NCBP1: variants seen among roughly 807,000 people sequenced by gnomAD.
NCBP1 encodes nuclear cap-binding protein subunit 1.
NCBP1 carries 16 observed loss-of-function variants against 111.7 expected under a neutral mutation model. That is an observed-to-expected ratio of 0.14 (90% CI 0.10 to 0.22). NCBP1 has a LOEUF of 0.22. Ranked by LOEUF, NCBP1 falls within the 10% of genes least tolerant of loss-of-function variation. NCBP1 has a pLI of 1.00. For synonymous variants in NCBP1, 304 were observed against 314.3 expected (o/e 0.97, Z 0.35); for missense variants, 607 against 957.5 (o/e 0.63, Z 4.83).
chr9:97,651,441 A>G (rs978847989), intron 10 of NCBP1, 68 bp downstream of exon 10: 3 of 1,329,832 alleles, frequency 2.3e-6, no homozygotes, highest in Non-Finnish European at 3.2e-6. Context: ...AGTATGATCT[A>G]CTCTTGGCTT....
In NCBP1 at chr9:97,671,423, G is replaced by A; in HGVS notation, c.*224G>A. The A allele has an allele frequency of 2.2e-6, 1 of 445,046 alleles. No individual in the cohort carries two copies. The highest frequency in any genetic ancestry group is 4.0e-6 in the Non-Finnish European group (1 of 248,274). 27.6% of individuals were successfully genotyped at this position (445,046 alleles called of 1,614,324 possible). On this transcript the variant is annotated 3_prime_UTR_variant, in exon 23 of 23. Transcript: ENST00000375147. The stretch of plus-strand genomic sequence containing the variant: ...ACTATGACCATGATATATTATATAT[G>A]TGACAGATACAAATTCTCTGTGATC...
intron 10 of NCBP1, among the ~76,000 whole-genome samples, chr9:97,653,518 T>C (rs1205222048): frequency 6.6e-6 from 1 of 152,194 alleles, no homozygotes; most frequent in Non-Finnish European, 1.5e-5. Flanking sequence ...CTTTCAAAGT[T>C]GGAATTTAAT....
intron 1 of NCBP1, among the ~76,000 whole-genome samples, chr9:97,634,928 T>G (rs1826962530): frequency 1.3e-5 from 2 of 152,198 alleles, no homozygotes; most frequent in African/African-American, 4.8e-5. Flanking sequence ...TATCTTCTGG[T>G]TTTTGTGAAG....
intron 12 of NCBP1, 105 bp from the exon 13 acceptor site, chr9:97,655,597 C>A (rs1827629228): frequency 2.4e-6 from 2 of 816,974 alleles, no homozygotes; most frequent in Non-Finnish European, 3.9e-6. Context: ...TTTTCATTAA[C>A]TCTGTAAAGT....
At chr9:97,652,507 G>A (rs566070019) in intron 10 of NCBP1, among the ~76,000 whole-genome samples, 1 of 152,346 alleles carries the variant, frequency 6.6e-6, no homozygotes, top group East Asian at 1.9e-4. Flanking sequence ...CGCACCTGTG[G>A]TGCCAGCTAC....
At chr9:97,657,906 CTATATA>C (rs34556640) in intron 14 of NCBP1, among the ~76,000 whole-genome samples, 30 of 127,498 alleles carry the variant, frequency 2.4e-4, no homozygotes, top group South Asian at 8.1e-4. Flanking sequence ...CTCTCTCTCT[CTATATA>C]TATATATATA....
chr9:97,657,887 T>TCG lies in NCBP1; in HGVS notation c.1374-752_1374-751insGC, dbSNP rs1312039193. Among the ~76,000 whole-genome samples the TCG allele has an allele frequency of 1.6e-4, 11 of 68,650 alleles. No homozygotes were observed. In the South Asian group the frequency reaches 2.2e-3, roughly 14 times the overall value. 45.0% of individuals were successfully genotyped at this position (68,650 alleles called of 152,430 possible). A position where few individuals can be genotyped will look rare whatever the true frequency, so the allele number is the denominator to read the frequency against. On this transcript the variant is annotated intron_variant, in intron 14 of 22. Transcript: ENST00000375147. ...ATGTACATGAGGAGCCCCGGTAAGC[T>TCG]CTCTCTCTCTCTCTCTCTCTATATA...
intron 1 of NCBP1, among the ~76,000 whole-genome samples, chr9:97,637,123 A>G (rs60104153): frequency 0.11 from 16,629 of 152,100 alleles, 2,522 homozygotes; most frequent in African/African-American, 0.33. Context: ...GAGATAGCAG[A>G]GGGTTGCATC....
In NCBP1 at chr9:97,643,259, A is replaced by T; in HGVS notation, c.280A>T (p.Asn94Tyr). The T allele has an allele frequency of 6.2e-7, 1 of 1,612,202 alleles. No homozygotes were observed. The highest frequency in any genetic ancestry group is 1.3e-5 in the African/African-American group (1 of 74,910). Reference sequence around the variant, plus strand: ...TTATACAACATTAGTTGGACTACTGAATGCCAGGAATTACAATTTTGGTGG... The same window carrying T: ...TTATACAACATTAGTTGGACTACTGTATGCCAGGAATTACAATTTTGGTGG... ...TIYTTLVGLLNARNYNFGGEF... is the reference protein window; with the variant it reads ...TIYTTLVGLLYARNYNFGGEF... The change falls in exon 4 of 23, where the codon AAT (asparagine) becomes TAT (tyrosine). Residue 94 changes from asparagine (N) to tyrosine (Y), a missense_variant. By Grantham distance (143) the Asn-to-Tyr change is moderately radical. Transcript: ENST00000375147.
At chr9:97,634,817 G>GT (rs1298399275) in intron 1 of NCBP1, among the ~76,000 whole-genome samples, 2 of 152,170 alleles carry the variant, frequency 1.3e-5, no homozygotes, top group Non-Finnish European at 2.9e-5. Context: ...GAACCAGAGG[G>GT]TTTAGGTTCA....
intron 18 of NCBP1, among the ~76,000 whole-genome samples, chr9:97,664,067 T>C (rs1242145053): frequency 6.6e-6 from 1 of 151,920 alleles, no homozygotes; most frequent in Admixed American, 6.6e-5. Flanking sequence ...TAATCTGAGC[T>C]GCTCAGGAGG....
Position 97,645,195 on chromosome 9 carries a change from A to G in NCBP1, c.460A>G (p.Ser154Gly), listed in dbSNP as rs148430361. The G allele has an allele frequency of 1.1e-5, 17 of 1,613,288 alleles. No homozygotes were observed. The Admixed American group carries it at 2.2e-4, about 21-fold the overall frequency. The change falls in exon 5 of 23, where the codon AGC becomes GGC. Residue 154 changes from serine (S) to glycine (G), a missense_variant. By Grantham distance (56) the Ser-to-Gly change is moderately conservative. Transcript: ENST00000375147. ...SMVAMFENFV[S>G]VTQEEDVPQV... ...GGTTGCTATGTTTGAAAATTTTGTA[A>G]GCGTAACTCAGGAAGAAGATGTACC...
chr9:97,653,138 T>TTTTTTA, intron 10 of NCBP1, among the ~76,000 whole-genome samples: 2 of 150,410 alleles, frequency 1.3e-5, no homozygotes, highest in African/African-American at 4.9e-5. Flanking sequence ...TTTTTTTTTT[T>TTTTTTA]GAGATGGAGT....
At chr9:97,664,297 GTA>G (rs1482752894) in intron 18 of NCBP1, 41 bp from the exon 19 acceptor site, 5 of 1,229,798 alleles carry the variant, frequency 4.1e-6, no homozygotes, top group African/African-American at 1.6e-5. Context: ...ATATGTGTGT[GTA>G]TGTGTGTGTG....
chr9:97,667,029 G>A (rs1381521407), intron 20 of NCBP1, 152 bp downstream of exon 20: 7 of 580,610 alleles, frequency 1.2e-5, no homozygotes, highest in Non-Finnish European at 2.1e-5. Context: ...TAATGCAGAA[G>A]CAGAAGAGGA....
chr9:97,671,246 A>G lies in NCBP1; in HGVS notation c.*47A>G. On this transcript the variant is annotated 3_prime_UTR_variant, in exon 23 of 23. Coordinates refer to ENST00000375147, the MANE Select transcript of NCBP1 (RefSeq NM_002486.5). ...AAGGTTTTTTTTGATATCTTAAAAT[A>G]ATTTGTCTTATTTTTTGATGGTTTG... The G allele has an allele frequency of 7.4e-7, 1 of 1,349,730 alleles. No homozygotes were observed. Among genetic ancestry groups the G allele is most frequent in the Non-Finnish European group, 1.0e-6 (1 of 959,314 alleles). The allele number at this position is 1,349,730 out of a possible 1,614,324, so 83.6% of individuals were successfully genotyped here.
intron 4 of NCBP1, among the ~76,000 whole-genome samples, chr9:97,643,670 G>T (rs1033053287): frequency 6.6e-6 from 1 of 152,040 alleles, no homozygotes; most frequent in South Asian, 2.1e-4. Context: ...AGTGGCCACT[G>T]TGTACTGAAT....
rs774292016 is a variant in NCBP1, at chr9:97,643,503, T to TA, written c.381+144dup. 221 of 851,662 alleles carry TA rather than the reference T, an allele frequency of 2.6e-4. 1 individual carries two copies. The highest frequency in any genetic ancestry group is 3.5e-4 in the Non-Finnish European group (205 of 585,190). 52.8% of individuals were successfully genotyped at this position (851,662 alleles called of 1,614,324 possible). A position where few individuals can be genotyped will look rare whatever the true frequency, so the allele number is the denominator to read the frequency against. On this transcript the variant is annotated intron_variant, in intron 4 of 22. Coordinates refer to ENST00000375147, the MANE Select transcript of NCBP1 (RefSeq NM_002486.5). ...TCATAAGCCACCTTTATTTTGACGA[T>TA]ACCCCCAAATCTGTAACTGTATCTC...
intron 17 of NCBP1, 38 bp from the exon 18 acceptor site, chr9:97,662,916 A>G: frequency 7.1e-7 from 1 of 1,409,876 alleles, no homozygotes; most frequent in Admixed American, 2.0e-5. Flanking sequence ...TTTAATGAAT[A>G]AGTATATATG....
Sources: allele counts gnomAD v4.1 joint callset (sites outside exome capture counted in the v4.1 genomes callset), GRCh38; gene constraint gnomAD v4.1.1; transcripts MANE v1.5; gene names NCBI Gene and HGNC (gene_info 2026-07-23, HGNC 2026-07-21).